Variants in ALG9 observed in about 807,000 individuals in gnomAD.
ALG9 encodes ALG9 alpha-1,2-mannosyltransferase.
ALG9 carries 55 observed loss-of-function variants against 81.8 expected under a neutral mutation model. That is an observed-to-expected ratio of 0.67 (90% confidence interval 0.54 to 0.84). ALG9 has a LOEUF of 0.84. Ranked by LOEUF, ALG9 falls within the 40% of genes least tolerant of loss-of-function variation. The pLI is 0.00. For missense variants in ALG9, 629 were observed against 745.0 expected, an observed-to-expected ratio of 0.84 and a Z score of 1.81; for synonymous variants, 278 against 274.3, an observed-to-expected ratio of 1.01 and a Z score of -0.13.
chr11:111,848,590 C>CAAAAAAA (rs60317912), intron 8 of ALG9, among the ~76,000 whole-genome samples: 1 of 50,224 alleles, frequency 2.0e-5, no homozygotes, highest in Non-Finnish European at 4.9e-5. Flanking sequence ...AACTCCATCT[C>CAAAAAAA]AAAAAAAAAA....
chr11:111,815,040 C>T (rs1555095664), intron 13 of ALG9, among the ~76,000 whole-genome samples: 1 of 152,148 alleles, frequency 6.6e-6, no homozygotes, highest in African/African-American at 2.4e-5. Flanking sequence ...AGGCACACTA[C>T]AGGTCTGGTT....
At chr11:111,814,446 A>G (rs1311928416) in intron 13 of ALG9, among the ~76,000 whole-genome samples, 1 of 152,194 alleles carries the variant, frequency 6.6e-6, no homozygotes, top group Non-Finnish European at 1.5e-5. Context: ...GCAATGTTCT[A>G]TTATTTGACC....
chr11:111,787,239 A>G (rs1456135707), intron 14 of ALG9, among the ~76,000 whole-genome samples: 1 of 151,882 alleles, frequency 6.6e-6, no homozygotes, highest in Non-Finnish European at 1.5e-5. Context: ...GAGACCAGCC[A>G]GACCAACATG....
intron 14 of ALG9, among the ~76,000 whole-genome samples, chr11:111,806,286 T>C (rs1949920766): frequency 6.6e-6 from 1 of 152,206 alleles, no homozygotes; most frequent in Non-Finnish European, 1.5e-5. Context: ...GACTTGTCCA[T>C]ATTTGCTACA....
chr11:111,850,084 C>T (rs150586238), intron 8 of ALG9, among the ~76,000 whole-genome samples: 7 of 152,172 alleles, frequency 4.6e-5, no homozygotes, highest in East Asian at 1.9e-4. Context: ...TACTGAATGG[C>T]CTCACCAATT....
chr11:111,809,859 A>G, intron 13 of ALG9, 86 bp from the exon 14 acceptor site: 1 of 1,498,310 alleles, frequency 6.7e-7, no homozygotes, highest in Admixed American at 1.7e-5. Flanking sequence ...CTAAAAATTT[A>G]CAGAGCTTTG....
chr11:111,796,054 T>G (rs1555075160), intron 14 of ALG9, among the ~76,000 whole-genome samples: 1 of 152,160 alleles, frequency 6.6e-6, no homozygotes, highest in Non-Finnish European at 1.5e-5. Flanking sequence ...GGATTAGGGG[T>G]CACATCAGCA....
At chr11:111,775,617 G>C in the ALG9 span, among the ~76,000 whole-genome samples, 18 of 152,208 alleles carry the variant, frequency 1.2e-4, no homozygotes, top group Non-Finnish European at 2.6e-4. Flanking sequence ...ACAAGTGCCT[G>C]TAGTCCCAGC....
chr11:111,826,323 C>T lies in ALG9; in HGVS notation c.1602+9842G>A, dbSNP rs1422903181. Among the ~76,000 whole-genome samples the T allele has an allele frequency of 6.0e-5, 9 of 150,746 alleles. No homozygotes were observed. The East Asian group carries it at 1.6e-3, about 26-fold the overall frequency. The stretch of plus-strand genomic sequence containing the variant: ...ATTGTTTGAGTCAGGGAGGTCGAGG[C>T]TGCAGTGAGCTGTGACTGTACCACT... On this transcript the variant is annotated intron_variant, in intron 13 of 14. Coordinates refer to ENST00000616540, the MANE Select transcript of ALG9 (RefSeq NM_024740.2).
chr11:111,784,843 A>C lies in ALG9; in HGVS notation c.*1554T>G, dbSNP rs1946304077. ...AATGTGACCCCAGATTGACTACAGG[A>C]ATAGTACTGATATTTGGATCCTGTG... On this transcript the variant is annotated 3_prime_UTR_variant, in exon 15 of 15. Transcript: ENST00000616540. The C allele has an allele frequency of 6.6e-6, 1 of 152,234 alleles. No homozygotes were observed. Among genetic ancestry groups the C allele is most frequent in the Admixed American group, 6.5e-5 (1 of 15,278 alleles). The allele number at this position is 152,234 out of a possible 1,614,324, so 9.4% of individuals were successfully genotyped here.
rs372219742 is a variant in ALG9 at position 111,860,601 on chromosome 11, G to A, written c.511C>T (p.Arg171Ter). Residue 171 changes from arginine to a stop codon, truncating the protein, a stop_gained, in exon 5 of 15, where the codon CGA (arginine) becomes TGA (stop). Coordinates refer to ENST00000616540, the MANE Select transcript of ALG9 (RefSeq NM_024740.2). LOFTEE classifies it high-confidence loss of function. Reference protein sequence around the residue: ...VCKKFGLHVSRMMLAFLVLST... With the variant: ...VCKKFGLHVS ...AGAACCAAGAAGGCTAGCATCATTC[G>A]ACTCACGTGCAACCCAAACTTCTTG... 1.9e-6 allele frequency: 3 copies of A among 1,613,930 alleles called. No homozygotes were observed. The highest frequency in any genetic ancestry group is 1.1e-5 in the South Asian group (1 of 91,012).
At chr11:111,827,266 C>A (rs1555109378) in intron 13 of ALG9, among the ~76,000 whole-genome samples, 1 of 152,002 alleles carries the variant, frequency 6.6e-6, no homozygotes, top group East Asian at 1.9e-4. Flanking sequence ...CAACTGAGGT[C>A]GGGAGTTTGA....
intron 14 of ALG9, chr11:111,805,299 T>C (rs1555084075): frequency 2.2e-6 from 1 of 456,274 alleles, no homozygotes; most frequent in South Asian, 1.5e-5. Flanking sequence ...GTGATCTTGG[T>C]CTTCCAGCCT....
At chr11:111,871,254 G>T (rs1964205910) in intron 1 of ALG9, 98 bp downstream of exon 1, 2 of 1,328,782 alleles carry the variant, frequency 1.5e-6, no homozygotes, top group Non-Finnish European at 1.9e-6. Context: ...GTGAGGCCAG[G>T]CCGGACTGAG....
chr11:111,822,623 G>A (rs1565865607), intron 13 of ALG9, among the ~76,000 whole-genome samples: 1 of 151,974 alleles, frequency 6.6e-6, no homozygotes, highest in Non-Finnish European at 1.5e-5. Flanking sequence ...CGAGGTGGGA[G>A]AATCACCTGA....
Position 111,838,292 on chromosome 11 carries a change from C to G in ALG9, c.1281G>C (p.Leu427=). ...AGCGAGAAAATGACAAGAGCCCAAACAGGAAGACAGTTCCTAATGCCAGCC... is the reference window on the plus strand; with the variant it reads ...AGCGAGAAAATGACAAGAGCCCAAAGAGGAAGACAGTTCCTAATGCCAGCC... ...SNWLALGTVF[L]FGLLSFSRSV... is the part of the protein sequence containing the mutation. The change falls in exon 11 of 15, where the codon CTG becomes CTC. Residue 427 remains leucine (L), a synonymous_variant. Coordinates refer to ENST00000616540, the MANE Select transcript of ALG9 (RefSeq NM_024740.2). 1.2e-6 allele frequency: 2 copies of G among 1,614,168 alleles called. No homozygotes were observed. The highest frequency in any genetic ancestry group is 1.7e-6 in the Non-Finnish European group (2 of 1,180,016).
intron 13 of ALG9, among the ~76,000 whole-genome samples, chr11:111,814,428 G>A (rs900503121): frequency 1.3e-5 from 2 of 152,150 alleles, no homozygotes; most frequent in Admixed American, 1.3e-4. Flanking sequence ...GGGAGCTCCT[G>A]GGTGCTGGCA....
chr11:111,837,567 G>A lies in ALG9; in HGVS notation c.1373C>T (p.Thr458Ile). 2 of 1,614,154 alleles carry A rather than the reference G, an allele frequency of 1.2e-6. No individual in the cohort carries two copies. Among genetic ancestry groups the A allele is most frequent in the Non-Finnish European group, 1.7e-6 (2 of 1,180,008 alleles). ...DLYPEFYRIA[T>I]DPTIHTVPEG... ...TGGGACAGTGTGGATGGTTGGGTCT[G>A]TAGCAATTCGGTAAAATTCTGGATA... Residue 458 changes from threonine (T) to isoleucine (I), a missense_variant, in exon 12 of 15, where the codon ACA becomes ATA. Physicochemically the swap from Thr to Ile is moderately conservative, Grantham distance 89. Coordinates refer to ENST00000616540, the MANE Select transcript of ALG9 (RefSeq NM_024740.2).
chr11:111,827,395 G>A (rs1015185986), intron 13 of ALG9, among the ~76,000 whole-genome samples: 1 of 152,090 alleles, frequency 6.6e-6, no homozygotes, highest in East Asian at 1.9e-4. Context: ...AGAATCACTT[G>A]AACCCGGTAG....
Sources: allele counts gnomAD v4.1 joint callset (sites outside exome capture counted in the v4.1 genomes callset), GRCh38; gene constraint gnomAD v4.1.1; transcripts MANE v1.5; gene names NCBI Gene and HGNC (gene_info 2026-07-23, HGNC 2026-07-21).